PCNT: variants seen among roughly 807,000 people sequenced by gnomAD.
The protein encoded by PCNT is pericentrin.
A neutral mutation model predicts 380.4 loss-of-function variants in PCNT; 319 were observed. The ratio of observed to expected loss-of-function variants is 0.84; its 90% CI spans 0.77 to 0.92. The LOEUF is 0.92. Among genes scored for constraint, PCNT ranks in the 40% least tolerant of loss-of-function variants. The pLI, the probability that PCNT is intolerant of heterozygous loss-of-function variation, is 0.00. For synonymous variants in PCNT, 1,845 were observed against 1,735.2 expected (o/e 1.06, Z -1.57); for missense variants, 4,400 against 4,255.3 (o/e 1.03, Z -0.95).
chr21:46,433,852 A>G (rs996768529), intron 38 of PCNT, among the ~76,000 whole-genome samples: 1 of 151,796 alleles, frequency 6.6e-6, no homozygotes, highest in Admixed American at 6.6e-5. Flanking sequence ...GCTCACTGCA[A>G]CCTCCACCTC....
rs375337178 is a variant in PCNT at position 46,435,995 on chromosome 21, C to T, written c.8843C>T (p.Pro2948Leu). ...GACCTGGAGTCGAAGGACGAGGTGC[C>T]TGGCAGCCGCCTCCACCTAGGTTCT... Reference protein sequence around the residue: ...VRDLESKDEVPGSRLHLGSAR... With the variant: ...VRDLESKDEVLGSRLHLGSAR... Residue 2948 changes from proline (P) to leucine (L), a missense_variant, in exon 39 of 47, where the codon CCT becomes CTT. By Grantham distance (98) the Pro-to-Leu change is moderately conservative. Coordinates refer to ENST00000359568, the MANE Select transcript of PCNT (RefSeq NM_006031.6). 9.3e-6 allele frequency: 15 copies of T among 1,614,060 alleles called. No homozygotes were observed. In the African/African-American group the frequency reaches 2.0e-4, roughly 22 times the overall value.
intron 13 of PCNT, 35 bp from the exon 14 acceptor site, chr21:46,363,445 G>A (rs757888656): frequency 3.7e-5 from 58 of 1,552,812 alleles, no homozygotes; most frequent in Admixed American, 1.7e-4. Context: ...TTCCATTAGC[G>A]TCTTTCCTCC....
intron 38 of PCNT, among the ~76,000 whole-genome samples, chr21:46,432,725 A>G (rs540837548): frequency 6.6e-6 from 1 of 151,946 alleles, no homozygotes; most frequent in Non-Finnish European, 1.5e-5. Flanking sequence ...CCTGGGTTCA[A>G]GCAATTCTTC....
intron 15 of PCNT, among the ~76,000 whole-genome samples, chr21:46,367,480 G>T (rs1322638521): frequency 6.6e-6 from 1 of 152,016 alleles, no homozygotes; most frequent in Non-Finnish European, 1.5e-5. Context: ...GCTAATTTTT[G>T]TATTTTTAGT....
At position 46,355,511 on chromosome 21, in the gene PCNT, G is replaced by T. The variant is rs147972708; in HGVS notation, c.1821G>T (p.Ala607=). 16 of 1,614,072 alleles carry T rather than the reference G, an allele frequency of 9.9e-6. No individual in the cohort carries two copies. The highest frequency in any genetic ancestry group is 1.4e-5 in the Non-Finnish European group (16 of 1,180,018). Residue 607 remains alanine (A), a synonymous_variant, in exon 12 of 47, where the codon GCG becomes GCT. Coordinates refer to ENST00000359568, the MANE Select transcript of PCNT (RefSeq NM_006031.6). ...AAAGCCACAGGCACCAGCTGGAAGC[G>T]CTGGAGTCTCCCCTCTGCATCCAGC... The part of the protein sequence containing the change: ...LEESHRHQLE[A]LESPLCIQHE...
At chr21:46,359,154 T>C (rs2084592755) in intron 13 of PCNT, among the ~76,000 whole-genome samples, 1 of 152,004 alleles carries the variant, frequency 6.6e-6, no homozygotes, top group Admixed American at 6.6e-5. Flanking sequence ...GGTTTCACCA[T>C]GTTGGCCAGG....
chr21:46,424,948 C>T (rs961687703), intron 32 of PCNT, among the ~76,000 whole-genome samples: 3 of 152,236 alleles, frequency 2.0e-5, no homozygotes, highest in East Asian at 3.9e-4. Flanking sequence ...TTTGGCATAT[C>T]GTTAAAATTA....
intron 29 of PCNT, 105 bp from the exon 30 acceptor site, chr21:46,415,964 C>G (rs1255204614): frequency 3.8e-6 from 4 of 1,046,828 alleles, no homozygotes; most frequent in Non-Finnish European, 5.8e-6. Context: ...TGTGGAATCA[C>G]CCGAGTGCTC....
At position 46,388,209 on chromosome 21, in the gene PCNT, CAAA is replaced by C. The variant is rs1222789518; in HGVS notation, c.3465-522_3465-520del. ...TGGGCGACAGAGCGAGACTCCATCT[CAAA>C]AAAAAAAAAAGACAGAAGCATCCCA... On this transcript the variant is annotated intron_variant, in intron 17 of 46. Coordinates refer to ENST00000359568, the MANE Select transcript of PCNT (RefSeq NM_006031.6). The surrounding 1 kb of genome is among the most constrained non-coding windows in gnomAD (Gnocchi z 4.2). 7.3e-6 allele frequency among the ~76,000 whole-genome samples: 1 copy of C among 136,418 alleles called. No individual in the cohort carries two copies. The highest frequency in any genetic ancestry group is 1.6e-5 in the Non-Finnish European group (1 of 62,536). The allele number at this position is 136,418 out of a possible 152,430, so 89.5% of individuals were successfully genotyped here. A position where few individuals can be genotyped will look rare whatever the true frequency, so the allele number is the denominator to read the frequency against.
chr21:46,412,109 C>T (rs1187154773), intron 28 of PCNT, 42 bp downstream of exon 28: 1 of 1,517,458 alleles, frequency 6.6e-7, no homozygotes, highest in African/African-American at 1.3e-5. Context: ...TTTTTTTTTA[C>T]TCTCCTTTTC....
intron 3 of PCNT, among the ~76,000 whole-genome samples, chr21:46,336,599 C>G (rs914129631): frequency 1.5e-4 from 23 of 152,144 alleles, no homozygotes; most frequent in African/African-American, 5.1e-4. Flanking sequence ...GCCCTGTCTC[C>G]GTTCTGAGTC....
Position 46,397,999 on chromosome 21 carries a change from T to C in PCNT, c.4447-15T>C. 6.4e-7 allele frequency: 1 copy of C among 1,567,110 alleles called. No individual in the cohort carries two copies. Among genetic ancestry groups the C allele is most frequent in the South Asian group, 1.2e-5 (1 of 85,928 alleles). ...CCCCGTTGGGGTGGTCCCAACACGC[T>C]GCCTCTCCTCCCAGGAGCAGGCAGC... On this transcript the variant is annotated splice_polypyrimidine_tract_variant and intron_variant, in intron 22 of 46. Coordinates refer to ENST00000359568, the MANE Select transcript of PCNT (RefSeq NM_006031.6).
chr21:46,383,928 A>G (rs2085707849), intron 16 of PCNT, among the ~76,000 whole-genome samples: 1 of 146,698 alleles, frequency 6.8e-6, no homozygotes, highest in Non-Finnish European at 1.5e-5. Context: ...TTGTGCGTTC[A>G]GTGGCAGAAG....
At chr21:46,365,368 ATCACTGCCGTGGGGTTCTG>A (rs1569204387) in intron 14 of PCNT, among the ~76,000 whole-genome samples, 25 of 22,138 alleles carry the variant, frequency 1.1e-3, no homozygotes, top group South Asian at 3.2e-3. Flanking sequence ...TGGGGTTCTG[ATCACTGCCGTGGGGTTCTG>A]TTCACTGCCG....
At chr21:46,440,738 G>T (rs1214117653) in intron 42 of PCNT, 117 bp from the exon 43 acceptor site, 1 of 743,326 alleles carries the variant, frequency 1.3e-6, no homozygotes, top group Non-Finnish European at 2.4e-6. Context: ...GCTCTGTGAT[G>T]ATTTGATGGG....
At chr21:46,329,061 A>G (rs2083476568) in intron 2 of PCNT, among the ~76,000 whole-genome samples, 1 of 152,248 alleles carries the variant, frequency 6.6e-6, no homozygotes, top group African/African-American at 2.4e-5. Context: ...GGCGTGAGCC[A>G]CTGTGCCTGG....
Position 46,397,379 on chromosome 21 carries a change from A to G in PCNT, c.4331A>G (p.Glu1444Gly). ...ATGAAGATTTTGGAGTCTGAGTTAG[A>G]AGAACAGCTGTCTCAGCATCGCGGG... ...SQMKILESEL[E>G]EQLSQHRGCA... The change falls in exon 22 of 47, where the codon GAA (glutamate) becomes GGA (glycine). Residue 1444 changes from glutamate to glycine, a missense_variant. Transcript: ENST00000359568. The G allele has an allele frequency of 6.2e-7, 1 of 1,614,158 alleles. No individual in the cohort carries two copies. Among genetic ancestry groups the G allele is most frequent in the Non-Finnish European group, 8.5e-7 (1 of 1,180,022 alleles).
intron 36 of PCNT, 56 bp from the exon 37 acceptor site, chr21:46,430,451 C>T (rs2087703017): frequency 1.3e-6 from 2 of 1,544,314 alleles, no homozygotes; most frequent in Non-Finnish European, 1.7e-6. Flanking sequence ...GCTCCCAGCC[C>T]CCGGGAACAC....
At chr21:46,434,796 A>G (rs2087898775) in intron 38 of PCNT, among the ~76,000 whole-genome samples, 1 of 152,194 alleles carries the variant, frequency 6.6e-6, no homozygotes, top group Non-Finnish European at 1.5e-5. Flanking sequence ...GTGCATGTTC[A>G]CATGCACAAA....
Sources: gnomAD v4.1 joint callset for allele counts (sites outside exome capture counted in the v4.1 genomes callset) on GRCh38, gnomAD v4.1.1 for gene constraint, Gnocchi (gnomAD v3.1) non-coding constraint, MANE v1.5 for transcripts, NCBI Gene and HGNC (gene_info 2026-07-23, HGNC 2026-07-21) for gene names.